The following ST7 variants were observed in gnomAD, a reference collection of about 807,000 sequenced individuals.
The protein encoded by ST7 is suppressor of tumorigenicity 7 protein.
A neutral mutation model predicts 78.7 loss-of-function variants in ST7; 28 were observed. The ratio of observed to expected loss-of-function variants is 0.36; its 90% CI spans 0.26 to 0.49. ST7 has a LOEUF of 0.49. Among genes scored for constraint, ST7 ranks in the 20% least tolerant of loss-of-function variants. ST7 has a pLI of 0.99. For missense variants in ST7, 418 were observed against 696.0 expected, an observed-to-expected ratio of 0.60 and a Z score of 4.49; for synonymous variants, 247 against 249.6, an observed-to-expected ratio of 0.99 and a Z score of 0.10.
intron 1 of ST7, among the ~76,000 whole-genome samples, chr7:117,035,499 T>A (rs1251800013): frequency 6.6e-6 from 1 of 152,210 alleles, no homozygotes; most frequent in Non-Finnish European, 1.5e-5. Flanking sequence ...TTCTATTTGG[T>A]ACATCTAATT....
chr7:116,966,214 C>G (rs1403977704), intron 1 of ST7: 1 of 280,854 alleles, frequency 3.6e-6, no homozygotes, highest in East Asian at 1.2e-4. Flanking sequence ...TTAATTATTT[C>G]CGTAATATAT....
At chr7:117,171,116 T>G in intron 10 of ST7, 140 bp downstream of exon 10, 2 of 477,874 alleles carry the variant, frequency 4.2e-6, no homozygotes, top group Non-Finnish European at 7.3e-6. Context: ...AGTTTTATGA[T>G]GGTGTTTGGT....
chr7:116,988,874 A>T (rs1024342815), intron 1 of ST7, among the ~76,000 whole-genome samples: 1 of 152,206 alleles, frequency 6.6e-6, no homozygotes, highest in African/African-American at 2.4e-5. Flanking sequence ...ACATATATAT[A>T]TTTTTAAAAT....
At chr7:117,032,734 C>G (rs1788525718) in intron 1 of ST7, among the ~76,000 whole-genome samples, 1 of 152,158 alleles carries the variant, frequency 6.6e-6, no homozygotes, top group Non-Finnish European at 1.5e-5. Flanking sequence ...AATCTATAAA[C>G]ATATTCATCC....
intron 2 of ST7, among the ~76,000 whole-genome samples, chr7:117,104,426 C>T (rs1584670751): frequency 2.0e-5 from 3 of 152,220 alleles, no homozygotes; most frequent in South Asian, 2.1e-4. Flanking sequence ...GGCAATAGAG[C>T]GAGACTCCGT....
At chr7:116,954,204 A>T (rs1175742440) in intron 1 of ST7, 2 of 151,774 alleles carry the variant, frequency 1.3e-5, no homozygotes, top group African/African-American at 4.8e-5. Flanking sequence ...TCGGCGGCGA[A>T]GCCCCCTGAC....
intron 1 of ST7, among the ~76,000 whole-genome samples, chr7:117,015,575 A>G (rs187295188): frequency 3.3e-5 from 5 of 152,212 alleles, no homozygotes; most frequent in Admixed American, 1.3e-4. Flanking sequence ...TTGTTTCTCA[A>G]TCTCTAGTTT....
rs1022254445 is a variant in ST7 at position 117,219,495 on chromosome 7, G to T, written c.1498+319G>T. Among the ~76,000 whole-genome samples, 1 of 152,216 alleles carries T rather than the reference G, an allele frequency of 6.6e-6. No homozygotes were observed. The highest frequency in any genetic ancestry group is 2.4e-5 in the African/African-American group (1 of 41,458). On this transcript the variant is annotated intron_variant, in intron 14 of 15. Coordinates refer to ENST00000323984, the MANE Select transcript of ST7 (RefSeq NM_001369598.1). The surrounding 1 kb of genome is among the most constrained non-coding windows in gnomAD (Gnocchi z 5.1). ...TCTGCTGGGCTGGTCCATTGTGAGG[G>T]TTCTGCCTGGGCTCTTCAGCTGGAC...
At chr7:117,172,126 T>C (rs551078831) in intron 10 of ST7, among the ~76,000 whole-genome samples, 227 of 152,084 alleles carry the variant, frequency 1.5e-3, no homozygotes, top group African/African-American at 5.0e-3. Context: ...AATTTTTAAA[T>C]TTTTTTTGTA....
chr7:117,067,810 A>C (rs1245182560), intron 1 of ST7, among the ~76,000 whole-genome samples: 1 of 152,238 alleles, frequency 6.6e-6, no homozygotes, highest in Non-Finnish European at 1.5e-5. Flanking sequence ...ATTCAGCTAC[A>C]GTGCTTTGTC....
intron 10 of ST7, among the ~76,000 whole-genome samples, chr7:117,176,550 C>A (rs557800189): frequency 2.0e-5 from 3 of 152,132 alleles, no homozygotes; most frequent in Non-Finnish European, 4.4e-5. Context: ...CTAAAAATTT[C>A]GTAAACCTTG....
At position 117,067,541 on chromosome 7, in the gene ST7, C is replaced by T. The variant is rs182962985; in HGVS notation, c.152-32221C>T. Among the ~76,000 whole-genome samples the T allele has an allele frequency of 2.8e-3, 433 of 152,078 alleles. 3 individuals are homozygous for T. Among genetic ancestry groups the T allele is most frequent in the Non-Finnish European group, 2.7e-3 (186 of 68,012 alleles). ...GAAAATTACTGAGAAGATAAAATGA[C>T]CTAACAGGAGTCTGGCTGAATATGG... On this transcript the variant is annotated intron_variant, in intron 1 of 15. Coordinates refer to ENST00000323984, the MANE Select transcript of ST7 (RefSeq NM_001369598.1).
At chr7:117,154,510 A>T (rs879306950) in intron 9 of ST7, among the ~76,000 whole-genome samples, 1 of 152,206 alleles carries the variant, frequency 6.6e-6, no homozygotes, top group East Asian at 1.9e-4. Flanking sequence ...GTAGAGGTGC[A>T]GAGTGACAGG....
chr7:117,167,202 C>T (rs1807630630), intron 9 of ST7, among the ~76,000 whole-genome samples: 1 of 149,866 alleles, frequency 6.7e-6, no homozygotes, highest in Admixed American at 6.6e-5. Context: ...GGTATATCAC[C>T]CTCTGCTATC....
chr7:117,052,610 T>C (rs1274393545), intron 1 of ST7, among the ~76,000 whole-genome samples: 1 of 152,222 alleles, frequency 6.6e-6, no homozygotes, highest in African/African-American at 2.4e-5. Context: ...CTAAAAAATC[T>C]AGGGCCAGGA....
At chr7:117,198,371 G>A (rs1286698277) in intron 12 of ST7, 15 of 455,392 alleles carry the variant, frequency 3.3e-5, no homozygotes, top group Middle Eastern at 6.5e-4. Flanking sequence ...GGTGCTTCTT[G>A]GGCCACCCTA....
chr7:117,127,685 A>G (rs543298071), intron 3 of ST7, among the ~76,000 whole-genome samples: 6 of 152,032 alleles, frequency 3.9e-5, no homozygotes, highest in East Asian at 1.9e-4. Context: ...TATGACACCA[A>G]TGTTAACACA....
chr7:117,079,422 A>C (rs548003195), intron 1 of ST7, among the ~76,000 whole-genome samples: 241 of 152,278 alleles, frequency 1.6e-3, no homozygotes, highest in Non-Finnish European at 2.9e-3. Context: ...AAACTGTAAA[A>C]ATTGTTTCAT....
chr7:117,097,904 ATATATTTT>A (rs199996417), intron 1 of ST7, among the ~76,000 whole-genome samples: 361 of 33,676 alleles, frequency 0.011, 20 homozygotes, highest in African/African-American at 0.032. Flanking sequence ...ATATATATAT[ATATATTTT>A]TTTTTTTTTT....
Sources: gnomAD v4.1 joint callset for allele counts (sites outside exome capture counted in the v4.1 genomes callset) on GRCh38, gnomAD v4.1.1 for gene constraint, Gnocchi (gnomAD v3.1) non-coding constraint, MANE v1.5 for transcripts, NCBI Gene and HGNC (gene_info 2026-07-23, HGNC 2026-07-21) for gene names.